IL1RAPL2: variants seen among roughly 807,000 people sequenced by gnomAD.
IL1RAPL2 encodes interleukin 1 receptor accessory protein like 2.
Under a neutral mutation model 44.1 loss-of-function variants are expected in IL1RAPL2, and 3 were observed. The observed-to-expected ratio is 0.07, with a 90% CI of 0.03 to 0.18. IL1RAPL2 has a LOEUF of 0.18. IL1RAPL2 is among the 10% of genes least tolerant of loss of function. IL1RAPL2 has a pLI of 1.00. For synonymous variants in IL1RAPL2, 181 were observed against 178.8 expected (o/e 1.01, Z -0.10); for missense variants, 391 against 496.4 (o/e 0.79, Z 2.02).
chrX:104,651,979 T>C (rs746701598), intron 1 of IL1RAPL2, among the ~76,000 whole-genome samples: 1 of 111,438 alleles, frequency 9.0e-6, no homozygotes, highest in East Asian at 2.8e-4. Context: ...TGGGAGGTGA[T>C]CCCAGGAAGT....
At chrX:104,890,310 C>T (rs1006205295) in intron 2 of IL1RAPL2, among the ~76,000 whole-genome samples, 1 of 111,730 alleles carries the variant, frequency 9.0e-6, no homozygotes, top group Non-Finnish European at 1.9e-5. Flanking sequence ...TGGGTATATA[C>T]CCAGTAATGG....
At chrX:105,730,963 C>A (rs2038400741) in intron 7 of IL1RAPL2, among the ~76,000 whole-genome samples, 1 of 110,398 alleles carries the variant, frequency 9.1e-6, no homozygotes, top group African/African-American at 3.3e-5. Flanking sequence ...TAACAATGCA[C>A]CTCAAGGAAC....
chrX:104,657,918 T>C (rs950903018), intron 1 of IL1RAPL2, among the ~76,000 whole-genome samples: 5 of 112,225 alleles, frequency 4.5e-5, no homozygotes, highest in Non-Finnish European at 7.5e-5. Flanking sequence ...CACAATGAGA[T>C]ACCATCTCAC....
rs762213419 is a variant in IL1RAPL2, at chrX:104,904,958, A to G, written c.82+245963A>G. Among the ~76,000 whole-genome samples, 434 of 110,894 alleles carry G rather than the reference A, an allele frequency of 3.9e-3. 2 individuals carry two copies. The highest frequency in any genetic ancestry group is 0.013 in the African/African-American group (388 of 30,486). ...TTCCTATTTCTCCACATCCTCTCCA[A>G]CACCTGTTGTTTCCTGACTTTTTAA... On this transcript the variant is annotated intron_variant, in intron 2 of 10. Coordinates refer to ENST00000372582, the MANE Select transcript of IL1RAPL2 (RefSeq NM_017416.2).
At position 105,619,595 on chromosome X, in the gene IL1RAPL2, G is replaced by A. The variant is rs142864756; in HGVS notation, c.773-97772G>A. Among the ~76,000 whole-genome samples the A allele has an allele frequency of 4.3e-3, 478 of 111,218 alleles. 2 individuals carry two copies. The highest frequency in any genetic ancestry group is 7.8e-3 in the Non-Finnish European group (413 of 52,920). ...CCTATCAGAGGCCCACATTTAATAC[G>A]TGATTGAGGCCAAGATATGAAGGCC... On this transcript the variant is annotated intron_variant, in intron 6 of 10. Transcript: ENST00000372582.
chrX:105,180,344 C>CA (rs1447517527), intron 2 of IL1RAPL2, among the ~76,000 whole-genome samples: 2,403 of 100,189 alleles, frequency 0.024, 77 homozygotes, highest in African/African-American at 0.093. Flanking sequence ...TCTCAAAAAA[C>CA]AAAAACAAAA....
At chrX:105,437,025 G>GTATATATATA (rs71694806) in intron 5 of IL1RAPL2, among the ~76,000 whole-genome samples, 17 of 91,084 alleles carry the variant, frequency 1.9e-4, no homozygotes, top group African/African-American at 6.2e-4. Context: ...AAATATAAAC[G>GTATATATATA]TATATATATA....
chrX:104,581,464 T>C (rs1393273978), intron 1 of IL1RAPL2, among the ~76,000 whole-genome samples: 1 of 112,051 alleles, frequency 8.9e-6, no homozygotes, highest in Non-Finnish European at 1.9e-5. Context: ...TCTCTTCATA[T>C]GGTTTATAGA....
intron 2 of IL1RAPL2, among the ~76,000 whole-genome samples, chrX:104,961,155 C>T (rs5917180): frequency 0.42 from 46,100 of 109,912 alleles, 7,104 homozygotes; most frequent in East Asian, 0.46. Flanking sequence ...GTCTCTCACA[C>T]CTACTATAGT....
intron 4 of IL1RAPL2, among the ~76,000 whole-genome samples, chrX:105,245,495 A>G (rs974986761): frequency 8.9e-5 from 10 of 112,344 alleles, no homozygotes; most frequent in Non-Finnish European, 5.6e-5. Flanking sequence ...TCTGAACTGC[A>G]TCAGTTATCA....
At chrX:104,633,519 G>T (rs1312127925) in intron 1 of IL1RAPL2, among the ~76,000 whole-genome samples, 1 of 111,451 alleles carries the variant, frequency 9.0e-6, no homozygotes, top group Non-Finnish European at 1.9e-5. Context: ...CAATTTCAGA[G>T]CCTGTTATTT....
intron 4 of IL1RAPL2, among the ~76,000 whole-genome samples, chrX:105,241,055 A>G (rs1278545859): frequency 2.7e-5 from 3 of 111,404 alleles, no homozygotes; most frequent in Non-Finnish European, 5.6e-5. Flanking sequence ...GTCTCAAAAC[A>G]AACAAATAAA....
intron 2 of IL1RAPL2, among the ~76,000 whole-genome samples, chrX:105,121,160 A>G (rs1163635029): frequency 1.8e-5 from 2 of 111,921 alleles, no homozygotes; most frequent in Non-Finnish European, 3.8e-5. Flanking sequence ...GGCTTCAACA[A>G]GCGTCAGCTA....
chrX:105,317,398 C>G (rs751924727), intron 5 of IL1RAPL2, among the ~76,000 whole-genome samples: 1 of 111,913 alleles, frequency 8.9e-6, no homozygotes, highest in Non-Finnish European at 1.9e-5. Flanking sequence ...TATCTTAAAG[C>G]CCTCAGAAGC....
intron 5 of IL1RAPL2, among the ~76,000 whole-genome samples, chrX:105,366,019 C>G (rs1349674037): frequency 9.0e-6 from 1 of 110,671 alleles, no homozygotes; most frequent in East Asian, 2.8e-4. Context: ...ACAGTCTCGC[C>G]TCACTGCAAC....
chrX:105,477,814 G>T (rs1019113201), intron 5 of IL1RAPL2, among the ~76,000 whole-genome samples: 1 of 111,785 alleles, frequency 8.9e-6, no homozygotes, highest in African/African-American at 3.3e-5. Flanking sequence ...GGCTGCTATT[G>T]CTCTCTTTTG....
In IL1RAPL2 at chrX:105,543,489, A is replaced by G. The variant is rs114448566; in HGVS notation, c.772+59102A>G. Among the ~76,000 whole-genome samples, 564 of 111,956 alleles carry G rather than the reference A, an allele frequency of 5.0e-3. 5 individuals carry two copies. The highest frequency in any genetic ancestry group is 0.018 in the African/African-American group (540 of 30,790). ...TGGTGAAATGCACTGAATGTGAGATACAATGAGGTCCTTTACAAGTTCTTT... is the reference window on the plus strand; with the variant it reads ...TGGTGAAATGCACTGAATGTGAGATGCAATGAGGTCCTTTACAAGTTCTTT... On this transcript the variant is annotated intron_variant, in intron 6 of 10. Coordinates refer to ENST00000372582, the MANE Select transcript of IL1RAPL2 (RefSeq NM_017416.2).
At chrX:105,732,802 T>C (rs970058276) in intron 7 of IL1RAPL2, among the ~76,000 whole-genome samples, 1 of 111,858 alleles carries the variant, frequency 8.9e-6, no homozygotes, top group Non-Finnish European at 1.9e-5. Context: ...TAATGGAGTA[T>C]TTCCAATTCC....
chrX:104,764,067 T>C (rs1306278948), intron 2 of IL1RAPL2, among the ~76,000 whole-genome samples: 1 of 111,661 alleles, frequency 9.0e-6, no homozygotes, highest in Non-Finnish European at 1.9e-5. Flanking sequence ...CCATATAAAT[T>C]TTAGGATTTT....
Sources: gnomAD v4.1 joint callset for allele counts (sites outside exome capture counted in the v4.1 genomes callset) on GRCh38, gnomAD v4.1.1 for gene constraint, MANE v1.5 for transcripts, NCBI Gene and HGNC (gene_info 2026-07-23, HGNC 2026-07-21) for gene names.